The following XRCC4 variants were observed in gnomAD, a reference collection of about 807,000 sequenced individuals.
The protein encoded by XRCC4 is DNA repair protein XRCC4.
XRCC4 carries 28 observed loss-of-function variants against 39.1 expected under a neutral mutation model. The observed-to-expected ratio is 0.72, with a 90% CI of 0.53 to 0.98. The LOEUF (loss-of-function observed/expected upper bound fraction) is 0.98. Ranked by LOEUF, XRCC4 falls within the 50% of genes least tolerant of loss-of-function variation. The pLI is 0.00. For missense variants in XRCC4, 350 were observed against 376.4 expected (o/e 0.93, Z 0.58); for synonymous variants, 123 against 126.4 (o/e 0.97, Z 0.18).
At position 83,252,869 on chromosome 5, in the gene XRCC4, C is replaced by A. The variant is rs562942977; in HGVS notation, c.746-5661C>A. ...TAAGAGATCCAGTCTTTATATTTAT[C>A]TTGTATAAAATTACCGAGTAATATG... On this transcript the variant is annotated intron_variant, in intron 6 of 7. Transcript: ENST00000396027. Among the ~76,000 whole-genome samples, 23 of 152,200 alleles carry A rather than the reference C, an allele frequency of 1.5e-4. No homozygotes were observed. In the Middle Eastern group the frequency reaches 0.01, roughly 68 times the overall value.
chr5:83,127,816 C>T (rs530094774), intron 3 of XRCC4, among the ~76,000 whole-genome samples: 1 of 150,928 alleles, frequency 6.6e-6, no homozygotes, highest in Non-Finnish European at 1.5e-5. Context: ...ATGTATCTTC[C>T]AAAGTCTGTA....
chr5:83,340,333 C>A (rs951002323), intron 7 of XRCC4, among the ~76,000 whole-genome samples: 3 of 152,064 alleles, frequency 2.0e-5, no homozygotes, highest in African/African-American at 7.2e-5. Flanking sequence ...ATTCCTGGAA[C>A]CTGAGAATAT....
chr5:83,168,822 A>G (rs1164597975), intron 3 of XRCC4, among the ~76,000 whole-genome samples: 7 of 152,224 alleles, frequency 4.6e-5, no homozygotes, highest in Admixed American at 4.6e-4. Context: ...GCTTGTCAGA[A>G]CTTGCCGCTA....
chr5:83,368,157 T>C, the XRCC4 span, among the ~76,000 whole-genome samples: 1 of 152,112 alleles, frequency 6.6e-6, no homozygotes, highest in Non-Finnish European at 1.5e-5. Context: ...AAATTAATTT[T>C]GCAAGCTATT....
chr5:83,099,254 T>G (rs1466614766), intron 1 of XRCC4, among the ~76,000 whole-genome samples: 2 of 152,084 alleles, frequency 1.3e-5, no homozygotes, highest in African/African-American at 4.8e-5. Context: ...GTACAACTCT[T>G]TGGCAGAGCT....
At chr5:83,183,414 G>T (rs768416656) in intron 3 of XRCC4, among the ~76,000 whole-genome samples, 3 of 33,280 alleles carry the variant, frequency 9.0e-5, no homozygotes, top group East Asian at 8.4e-4. Flanking sequence ...TCATTTATTT[G>T]TGTGTGTGTG....
chr5:83,254,363 C>T (rs572424027), intron 6 of XRCC4, among the ~76,000 whole-genome samples: 1 of 152,278 alleles, frequency 6.6e-6, no homozygotes, highest in East Asian at 1.9e-4. Flanking sequence ...ACCTTTCATG[C>T]ATGCCATTAC....
chr5:83,170,739 ATT>A (rs56818322), intron 3 of XRCC4, among the ~76,000 whole-genome samples: 139,617 of 151,970 alleles, frequency 0.92, 64,263 homozygotes, highest in African/African-American at 0.96. Context: ...ATCTCCTTTT[ATT>A]TAAGTCAGTT....
At chr5:83,113,814 G>C (rs1164132975) in intron 3 of XRCC4, among the ~76,000 whole-genome samples, 1 of 152,096 alleles carries the variant, frequency 6.6e-6, no homozygotes, top group Non-Finnish European at 1.5e-5. Context: ...TTTTAGTAGA[G>C]ACGGGGTTTC....
intron 7 of XRCC4, among the ~76,000 whole-genome samples, chr5:83,300,952 T>C (rs1755264096): frequency 6.6e-6 from 1 of 152,218 alleles, no homozygotes; most frequent in Non-Finnish European, 1.5e-5. Context: ...GGTGTATATG[T>C]GCCACATTTT....
At chr5:83,159,628 C>T (rs1436709427) in intron 3 of XRCC4, among the ~76,000 whole-genome samples, 2 of 152,062 alleles carry the variant, frequency 1.3e-5, no homozygotes, top group South Asian at 2.1e-4. Flanking sequence ...CGGAAAATAT[C>T]GGAATTATTC....
chr5:83,173,766 A>G (rs1749831670), intron 3 of XRCC4, among the ~76,000 whole-genome samples: 1 of 152,202 alleles, frequency 6.6e-6, no homozygotes, highest in Non-Finnish European at 1.5e-5. Context: ...CTAACTAGGA[A>G]CTGCCTTCTG....
chr5:83,252,938 A>G (rs958764305), intron 6 of XRCC4, among the ~76,000 whole-genome samples: 4 of 152,234 alleles, frequency 2.6e-5, no homozygotes, highest in Admixed American at 2.6e-4. Context: ...TAGGGTATTC[A>G]TAATTTAATT....
At chr5:83,077,726 C>T (rs1292847205) in intron 1 of XRCC4, 111 bp downstream of exon 1, 1 of 175,802 alleles carries the variant, frequency 5.7e-6, no homozygotes, top group African/African-American at 2.4e-5. Flanking sequence ...ACCCCTAGAA[C>T]TCCACAATGC....
At chr5:83,318,064 A>T (rs1755937427) in intron 7 of XRCC4, among the ~76,000 whole-genome samples, 1 of 141,748 alleles carries the variant, frequency 7.1e-6, no homozygotes, top group African/African-American at 3.0e-5. Context: ...GCAAATCAAT[A>T]AATGTAATCC....
intron 7 of XRCC4, among the ~76,000 whole-genome samples, chr5:83,266,042 A>G (rs1158115759): frequency 6.6e-6 from 1 of 151,912 alleles, no homozygotes; most frequent in Middle Eastern, 3.2e-3. Flanking sequence ...TATATGTTAT[A>G]CTCTTGTCAT....
rs139024380 is a variant in XRCC4 at position 83,208,430 on chromosome 5, G to T, written c.745+3509G>T. Among the ~76,000 whole-genome samples, 933 of 152,056 alleles carry T rather than the reference G, an allele frequency of 6.1e-3. 3 individuals carry two copies. Among genetic ancestry groups the T allele is most frequent in the Middle Eastern group, 0.014 (4 of 290 alleles). ...ATGAAATGGCAAATTCATATTTACC[G>T]TATTCACTCTAGGGAAAAGTCTGGT... On this transcript the variant is annotated intron_variant, in intron 6 of 7. Coordinates refer to ENST00000396027, the MANE Select transcript of XRCC4 (RefSeq NM_003401.5).
chr5:83,087,633 A>T (rs576605417), intron 1 of XRCC4, among the ~76,000 whole-genome samples: 119 of 152,222 alleles, frequency 7.8e-4, no homozygotes, highest in Non-Finnish European at 1.2e-3. Context: ...ACTGTACTCC[A>T]GTCTGGGTGA....
chr5:83,212,095 T>A (rs1053111768), intron 6 of XRCC4, among the ~76,000 whole-genome samples: 7 of 151,894 alleles, frequency 4.6e-5, no homozygotes, highest in Non-Finnish European at 1.0e-4. Context: ...CATACACACA[T>A]ATGTATGTTT....
Sources: gnomAD v4.1 joint callset for allele counts (sites outside exome capture counted in the v4.1 genomes callset) on GRCh38, gnomAD v4.1.1 for gene constraint, MANE v1.5 for transcripts, NCBI Gene and HGNC (gene_info 2026-07-23, HGNC 2026-07-21) for gene names.